The following CORIN variants were observed in gnomAD, a reference collection of about 807,000 sequenced individuals.
The protein encoded by CORIN is atrial natriuretic peptide-converting enzyme.
CORIN carries 117 observed loss-of-function variants against 125.3 expected under a neutral mutation model. The ratio of observed to expected loss-of-function variants is 0.93; its 90% CI spans 0.80 to 1.09. The LOEUF (loss-of-function observed/expected upper bound fraction) is 1.09. CORIN is among the 50% of genes least tolerant of loss of function. CORIN has a pLI of 0.00. For missense variants in CORIN, 1,253 were observed against 1,306.7 expected, an observed-to-expected ratio of 0.96 and a Z score of 0.63; for synonymous variants, 450 against 466.4, an observed-to-expected ratio of 0.96 and a Z score of 0.45.
chr4:47,727,605 A>G (rs1445066624), intron 5 of CORIN, among the ~76,000 whole-genome samples: 1 of 152,092 alleles, frequency 6.6e-6, no homozygotes, highest in Non-Finnish European at 1.5e-5. Flanking sequence ...GATAAAAATA[A>G]TCTAAGCATT....
chr4:47,752,556 T>A (rs1248105955), intron 4 of CORIN, among the ~76,000 whole-genome samples: 1 of 152,220 alleles, frequency 6.6e-6, no homozygotes, highest in Non-Finnish European at 1.5e-5. Context: ...CTACATGCAC[T>A]ATTCAACATT....
At chr4:47,656,308 A>G (rs1193493081) in intron 12 of CORIN, among the ~76,000 whole-genome samples, 1 of 152,036 alleles carries the variant, frequency 6.6e-6, no homozygotes, top group Non-Finnish European at 1.5e-5. Flanking sequence ...GGCGCCTGCC[A>G]CCATGCCCAG....
chr4:47,640,095 T>A (rs1365373284), intron 16 of CORIN, among the ~76,000 whole-genome samples: 1 of 152,100 alleles, frequency 6.6e-6, no homozygotes, highest in Non-Finnish European at 1.5e-5. Flanking sequence ...TAATCTAAAA[T>A]AAAAAGTATC....
intron 19 of CORIN, among the ~76,000 whole-genome samples, chr4:47,619,061 C>T (rs1722197915): frequency 6.6e-6 from 1 of 152,072 alleles, no homozygotes; most frequent in Non-Finnish European, 1.5e-5. Flanking sequence ...AGCTGTGTGC[C>T]AGCCTAGGAA....
chr4:47,709,225 A>G (rs73142075), intron 5 of CORIN, among the ~76,000 whole-genome samples: 54 of 152,364 alleles, frequency 3.5e-4, no homozygotes, highest in African/African-American at 1.2e-3. Flanking sequence ...AAAGCTGAAC[A>G]GATAGATAAA....
chr4:47,696,934 T>C (rs995904829), intron 5 of CORIN, among the ~76,000 whole-genome samples: 3 of 152,164 alleles, frequency 2.0e-5, no homozygotes, highest in Non-Finnish European at 4.4e-5. Context: ...CCACGGACTG[T>C]ATGGTGCCCT....
chr4:47,660,735 A>G (rs1383258949), intron 12 of CORIN, among the ~76,000 whole-genome samples: 1 of 152,246 alleles, frequency 6.6e-6, no homozygotes, highest in Non-Finnish European at 1.5e-5. Context: ...GTGAGAATGC[A>G]AATTGGTACA....
At chr4:47,634,142 G>A (rs890102019) in intron 16 of CORIN, among the ~76,000 whole-genome samples, 2 of 152,178 alleles carry the variant, frequency 1.3e-5, no homozygotes, top group Admixed American at 6.5e-5. Flanking sequence ...ATTGATGCCA[G>A]GGAACCAGTA....
intron 19 of CORIN, among the ~76,000 whole-genome samples, chr4:47,618,980 G>T (rs1205014307): frequency 6.6e-6 from 1 of 152,114 alleles, no homozygotes; most frequent in Non-Finnish European, 1.5e-5. Flanking sequence ...TATGGGTTGT[G>T]GTCATATAGT....
At position 47,790,458 on chromosome 4, in the gene CORIN, T is replaced by G. The variant is rs529257380; in HGVS notation, c.209-3533A>C. On this transcript the variant is annotated intron_variant, in intron 2 of 21. Coordinates refer to ENST00000273857, the MANE Select transcript of CORIN (RefSeq NM_006587.4). The stretch of plus-strand genomic sequence containing the variant: ...ATTTTGCTGAGAGTCCCTGTTTCCC[T>G]TTTTTTTCCCCTTTTAGCCCGATAA... Among the ~76,000 whole-genome samples the G allele has an allele frequency of 2.0e-3, 310 of 152,062 alleles. 2 individuals carry two copies. The highest frequency in any genetic ancestry group is 6.8e-3 in the African/African-American group (284 of 41,480).
chr4:47,707,004 A>C, intron 5 of CORIN: 1 of 1,517,734 alleles, frequency 6.6e-7, no homozygotes. Flanking sequence ...TAAAGTTTGT[A>C]AAATTCATAC....
chr4:47,650,767 T>G (rs561982208), intron 13 of CORIN, among the ~76,000 whole-genome samples: 17 of 152,326 alleles, frequency 1.1e-4, no homozygotes, highest in East Asian at 7.7e-4. Flanking sequence ...ATACAGTAAT[T>G]GACATCTTAA....
Position 47,766,763 on chromosome 4 carries a change from T to C in CORIN, c.410-3177A>G, listed in dbSNP as rs549590956. 3.9e-5 allele frequency among the ~76,000 whole-genome samples: 6 copies of C among 151,952 alleles called. No individual in the cohort carries two copies. In the South Asian group the frequency reaches 1.2e-3, roughly 32 times the overall value. On this transcript the variant is annotated intron_variant, in intron 3 of 21. Coordinates refer to ENST00000273857, the MANE Select transcript of CORIN (RefSeq NM_006587.4). ...GAGTTCGAGACCACCCTGGCCAACATGGTGAAACCCCATCTCTAGTAAAAA... is the reference window on the plus strand; with the variant it reads ...GAGTTCGAGACCACCCTGGCCAACACGGTGAAACCCCATCTCTAGTAAAAA...
intron 4 of CORIN, among the ~76,000 whole-genome samples, chr4:47,755,640 G>C (rs1729101120): frequency 1.3e-5 from 2 of 152,152 alleles, no homozygotes; most frequent in Non-Finnish European, 2.9e-5. Context: ...GGAGAAGTGA[G>C]AGTTAATTTA....
At chr4:47,648,225 G>C (rs944667457) in intron 13 of CORIN, among the ~76,000 whole-genome samples, 4 of 152,154 alleles carry the variant, frequency 2.6e-5, no homozygotes, top group Non-Finnish European at 5.9e-5. Context: ...GGATGGGATG[G>C]GCTGTTTAAT....
intron 13 of CORIN, among the ~76,000 whole-genome samples, chr4:47,646,220 G>A (rs554374203): frequency 1.4e-4 from 21 of 152,240 alleles, no homozygotes; most frequent in African/African-American, 4.8e-4. Context: ...AAAGTCTAGT[G>A]ATCTAAATGC....
chr4:47,724,133 C>A (rs1727482287), intron 5 of CORIN, among the ~76,000 whole-genome samples: 1 of 151,816 alleles, frequency 6.6e-6, no homozygotes, highest in Non-Finnish European at 1.5e-5. Context: ...GCTGTAATAA[C>A]CATACTCCAT....
At chr4:47,730,028 C>T (rs959433801) in intron 5 of CORIN, among the ~76,000 whole-genome samples, 59 of 152,126 alleles carry the variant, frequency 3.9e-4, no homozygotes, top group African/African-American at 1.4e-3. Flanking sequence ...TTGCACTCAT[C>T]CTTGGAGCTC....
chr4:47,730,460 G>C (rs531033054), intron 5 of CORIN, among the ~76,000 whole-genome samples: 1 of 133,894 alleles, frequency 7.5e-6, no homozygotes, highest in Non-Finnish European at 1.6e-5. Context: ...GCGACAGAGC[G>C]AGACTCCATC....
Sources: allele counts gnomAD v4.1 joint callset (sites outside exome capture counted in the v4.1 genomes callset), GRCh38; gene constraint gnomAD v4.1.1; transcripts MANE v1.5; gene names NCBI Gene and HGNC (gene_info 2026-07-23, HGNC 2026-07-21).